Variants in TULP4 observed in about 807,000 individuals in gnomAD.
The protein encoded by TULP4 is TUB like protein 4, also known as tubby-related protein 4.
TULP4 carries 16 observed loss-of-function variants against 129.0 expected under a neutral mutation model. That is an observed-to-expected ratio of 0.12 (90% confidence interval 0.08 to 0.19). The LOEUF is 0.19. Ranked by LOEUF, TULP4 falls within the 10% of genes least tolerant of loss-of-function variation. The pLI is 1.00. For missense variants in TULP4, 1,842 were observed against 2,059.1 expected (o/e 0.89, Z 2.04); for synonymous variants, 998 against 854.0 (o/e 1.17, Z -2.94).
intron 1 of TULP4, among the ~76,000 whole-genome samples, chr6:158,322,297 G>T (rs1779658081): frequency 6.6e-6 from 1 of 152,062 alleles, no homozygotes; most frequent in Admixed American, 6.5e-5. Flanking sequence ...ATAATGGAGG[G>T]CTGTTTTATT....
intron 1 of TULP4, among the ~76,000 whole-genome samples, chr6:158,374,726 C>T (rs1209391790): frequency 6.6e-6 from 1 of 152,188 alleles, no homozygotes; most frequent in Non-Finnish European, 1.5e-5. Flanking sequence ...ATACTAGCAC[C>T]AGCTGCCATT....
intron 1 of TULP4, among the ~76,000 whole-genome samples, chr6:158,394,298 C>T (rs1008022812): frequency 6.6e-6 from 1 of 152,172 alleles, no homozygotes; most frequent in Non-Finnish European, 1.5e-5. Context: ...TTGGTTAAAA[C>T]TGTTGAGCAA....
chr6:158,294,130 G>A (rs540763140), intron 1 of TULP4, among the ~76,000 whole-genome samples: 5 of 152,308 alleles, frequency 3.3e-5, no homozygotes, highest in East Asian at 3.9e-4. Flanking sequence ...TTGGAAGACC[G>A]AGGCGGGTGG....
chr6:158,441,143 C>G (rs567110405), intron 3 of TULP4, among the ~76,000 whole-genome samples: 203 of 152,180 alleles, frequency 1.3e-3, no homozygotes, highest in African/African-American at 4.6e-3. Flanking sequence ...TGGTGAAACC[C>G]CGTATCTATT....
intron 11 of TULP4, among the ~76,000 whole-genome samples, chr6:158,496,199 T>C (rs1469852171): frequency 6.6e-6 from 1 of 152,248 alleles, no homozygotes; most frequent in Non-Finnish European, 1.5e-5. Flanking sequence ...GTCGTACACG[T>C]CTGTCTGCAA....
chr6:158,324,884 G>C (rs1779712191), intron 1 of TULP4, among the ~76,000 whole-genome samples: 1 of 152,156 alleles, frequency 6.6e-6, no homozygotes, highest in African/African-American at 2.4e-5. Flanking sequence ...GTGAAGGGAA[G>C]AGGCACCCTT....
chr6:158,500,240 T>C (rs776497036), intron 12 of TULP4, among the ~76,000 whole-genome samples: 2 of 152,214 alleles, frequency 1.3e-5, no homozygotes, highest in South Asian at 4.1e-4. Flanking sequence ...GAAGAGGCTC[T>C]TCTTCCTTAA....
chr6:158,328,690 A>G (rs1192902398), intron 1 of TULP4, among the ~76,000 whole-genome samples: 4 of 151,844 alleles, frequency 2.6e-5, no homozygotes, highest in African/African-American at 9.7e-5. Context: ...GGGAGGAGGG[A>G]CTTTTGCCAC....
chr6:158,346,366 C>T (rs1034345036), intron 1 of TULP4, among the ~76,000 whole-genome samples: 7 of 152,196 alleles, frequency 4.6e-5, no homozygotes, highest in Non-Finnish European at 7.3e-5. Context: ...CAGCTCCAGC[C>T]GGTCCCTCCC....
chr6:158,290,973 AC>A (rs1406941017), intron 1 of TULP4, among the ~76,000 whole-genome samples: 1 of 152,192 alleles, frequency 6.6e-6, no homozygotes, highest in Non-Finnish European at 1.5e-5. Flanking sequence ...TAAAATGTGG[AC>A]AACAAAAGGA....
At chr6:158,384,389 G>A (rs1168398469) in intron 1 of TULP4, among the ~76,000 whole-genome samples, 2 of 150,876 alleles carry the variant, frequency 1.3e-5, no homozygotes, top group African/African-American at 2.4e-5. Context: ...CTGGGTTCAC[G>A]CCATTCTCCT....
intron 3 of TULP4, among the ~76,000 whole-genome samples, chr6:158,435,073 A>G (rs1214115250): frequency 1.3e-5 from 2 of 152,140 alleles, no homozygotes; most frequent in African/African-American, 4.8e-5. Flanking sequence ...CATCTCTGAT[A>G]CCCCATCTCC....
chr6:158,503,872 G>A lies in TULP4; in HGVS notation c.4209G>A (p.Gln1403=). The A allele has an allele frequency of 6.2e-7, 1 of 1,614,082 alleles. No individual in the cohort carries two copies. The highest frequency in any genetic ancestry group is 1.1e-5 in the South Asian group (1 of 91,076). ...AGTTGAATAAGACAAACGAGTTCCA[G>A]GACAGCTCCGAGAGCGAGCCTGAGC... ...SKKLNKTNEF[Q]DSSESEPELF... is the part of the protein sequence containing the mutation. The change falls in exon 13 of 14, where the codon CAG becomes CAA. Residue 1403 remains glutamine (Q), a synonymous_variant. Transcript: ENST00000367097. This position sits in a 1 kb window ranked among gnomAD's most constrained non-coding sequence, Gnocchi z 4.3.
In TULP4 at chr6:158,236,795, CTTTTTTTTTT is replaced by C. The variant is rs71030149; in HGVS notation, n.68+4519_68+4528del. ...AGATGGGTAAATGCCCAATTCTTTT[CTTTTTTTTTT>C]TTTTTTTTTTTTTTTTTTTTTTTTT... On this transcript the variant is annotated intron_variant and non_coding_transcript_variant, in intron 1 of 1. Transcript: ENST00000620026. 8.7e-3 allele frequency among the ~76,000 whole-genome samples: 550 copies of C among 63,212 alleles called. 3 individuals are homozygous for C. Among genetic ancestry groups the C allele is most frequent in the African/African-American group, 0.025 (341 of 13,878 alleles). 41.5% of individuals were successfully genotyped at this position (63,212 alleles called of 152,430 possible).
chr6:158,335,055 A>C (rs1056609780), intron 1 of TULP4, among the ~76,000 whole-genome samples: 2 of 152,032 alleles, frequency 1.3e-5, no homozygotes, highest in Non-Finnish European at 2.9e-5. Flanking sequence ...AGGCGGGCGG[A>C]TCACAAGGTC....
chr6:158,399,613 C>G (rs1777797434), intron 1 of TULP4, among the ~76,000 whole-genome samples: 1 of 152,202 alleles, frequency 6.6e-6, no homozygotes, highest in Non-Finnish European at 1.5e-5. Flanking sequence ...TCAAGTCCAG[C>G]TGCTGGGAGA....
In TULP4 at chr6:158,266,312, G is replaced by A. The variant is rs138032282; in HGVS notation, n.68+34009G>A. On this transcript the variant is annotated intron_variant and non_coding_transcript_variant, in intron 1 of 1. Coordinates refer to the TULP4 transcript ENST00000620026. Reference sequence around the variant, plus strand: ...CTCACTCTTATCCAGGCCGGAGGGCGGTGATGCAGTCACGACTCACTGCAG... The same window carrying A: ...CTCACTCTTATCCAGGCCGGAGGGCAGTGATGCAGTCACGACTCACTGCAG... Among the ~76,000 whole-genome samples, 543 of 152,280 alleles carry A rather than the reference G, an allele frequency of 3.6e-3. 5 individuals are homozygous for A. The highest frequency in any genetic ancestry group is 0.012 in the African/African-American group (496 of 41,552).
chr6:158,412,702 CCT>C (rs1778122829), intron 1 of TULP4, among the ~76,000 whole-genome samples: 1 of 151,944 alleles, frequency 6.6e-6, no homozygotes, highest in Admixed American at 6.5e-5. Context: ...TAAATAATAC[CCT>C]GATTCAAATC....
At chr6:158,488,266 C>T (rs149499684) in intron 8 of TULP4, among the ~76,000 whole-genome samples, 1 of 152,282 alleles carries the variant, frequency 6.6e-6, no homozygotes, top group Non-Finnish European at 1.5e-5. Flanking sequence ...TGTAGGCTTG[C>T]ATGCATGCTT....
Sources: allele counts gnomAD v4.1 joint callset (sites outside exome capture counted in the v4.1 genomes callset), GRCh38; gene constraint gnomAD v4.1.1; non-coding constraint Gnocchi (gnomAD v3.1); transcripts MANE v1.5; gene names NCBI Gene and HGNC (gene_info 2026-07-23, HGNC 2026-07-21).